The following GLIS1 variants were observed in gnomAD, a reference collection of about 807,000 sequenced individuals.
GLIS1 encodes GLIS family zinc finger 1, also known as zinc finger protein GLIS1.
A neutral mutation model predicts 63.8 loss-of-function variants in GLIS1; 24 were observed. The ratio of observed to expected loss-of-function variants is 0.38; its 90% CI spans 0.27 to 0.53. The LOEUF is 0.53. GLIS1 is among the 20% of genes least tolerant of loss of function. The pLI is 0.85. For synonymous variants in GLIS1, 450 were observed against 482.5 expected, an observed-to-expected ratio of 0.93 and a Z score of 0.88; for missense variants, 1,036 against 1,074.1, an observed-to-expected ratio of 0.96 and a Z score of 0.50.
intron 4 of GLIS1, among the ~76,000 whole-genome samples, chr1:53,545,228 G>A (rs745439247): frequency 2.4e-4 from 36 of 152,242 alleles, no homozygotes; most frequent in South Asian, 4.1e-4. Flanking sequence ...GCATCAACAC[G>A]GCAGTAACAC....
intron 8 of GLIS1, 44 bp downstream of exon 8, chr1:53,514,581 C>G: frequency 6.3e-7 from 1 of 1,591,378 alleles, no homozygotes; most frequent in Non-Finnish European, 8.6e-7. Flanking sequence ...CCCCCGAGAT[C>G]CCCCCTTGTT....
intron 8 of GLIS1, among the ~76,000 whole-genome samples, chr1:53,510,472 G>C (rs914221644): frequency 6.6e-6 from 1 of 152,160 alleles, no homozygotes; most frequent in African/African-American, 2.4e-5. Flanking sequence ...TGGACGAGGA[G>C]CCCTGGAGCA....
chr1:53,705,633 A>T (rs1213644768), intron 2 of GLIS1, among the ~76,000 whole-genome samples: 2 of 152,156 alleles, frequency 1.3e-5, no homozygotes, highest in Non-Finnish European at 2.9e-5. Flanking sequence ...GAAAAGAAAA[A>T]AAAGGTGAGT....
intron 2 of GLIS1, among the ~76,000 whole-genome samples, chr1:53,722,402 T>G (rs894261631): frequency 6.6e-6 from 1 of 152,240 alleles, no homozygotes; most frequent in Non-Finnish European, 1.5e-5. Flanking sequence ...TATACATATT[T>G]GTTTGTATTC....
At chr1:53,593,970 G>C (rs77718260) in intron 4 of GLIS1, 138 bp downstream of exon 4, 1 of 1,035,370 alleles carries the variant, frequency 9.7e-7, no homozygotes, top group African/African-American at 1.6e-5. Context: ...TCCACAGCAT[G>C]GGTCCTTTCC....
chr1:53,637,432 T>G (rs1645738130), intron 2 of GLIS1, among the ~76,000 whole-genome samples: 1 of 152,184 alleles, frequency 6.6e-6, no homozygotes, highest in African/African-American at 2.4e-5. Flanking sequence ...GAGGTCACTC[T>G]TCTATCTGTG....
rs761543395 is a variant in GLIS1 at position 53,547,375 on chromosome 1, A to G, written c.1321-17423T>C. On this transcript the variant is annotated intron_variant, in intron 4 of 10. Transcript: ENST00000628545. ...GCAATAGCCAAGAGCTGCATGCTCA[A>G]TGGGGCTGAAGGTGGCAAGACCAAC... 5.9e-5 allele frequency among the ~76,000 whole-genome samples: 9 copies of G among 152,268 alleles called. No homozygotes were observed. In the South Asian group the frequency reaches 1.2e-3, roughly 21 times the overall value.
At chr1:53,607,851 A>C (rs541855478) in intron 2 of GLIS1, among the ~76,000 whole-genome samples, 6 of 152,272 alleles carry the variant, frequency 3.9e-5, no homozygotes, top group African/African-American at 1.2e-4. Flanking sequence ...GGTTTCTGGT[A>C]AGGGCTCTCT....
At chr1:53,718,249 G>C (rs941112470) in intron 2 of GLIS1, among the ~76,000 whole-genome samples, 5 of 152,134 alleles carry the variant, frequency 3.3e-5, no homozygotes, top group African/African-American at 4.8e-5. Flanking sequence ...CAGAATCCAG[G>C]GGGCACAGGA....
rs1287968572 is a variant in GLIS1, at chr1:53,529,792, G to A, written c.1481C>T (p.Thr494Met). 15 of 1,610,876 alleles carry A rather than the reference G, an allele frequency of 9.3e-6. No homozygotes were observed. The highest frequency in any genetic ancestry group is 3.3e-5 in the South Asian group (3 of 90,970). ...RAKHQRTHLD[T>M]KPYACQIPGC... The stretch of plus-strand genomic sequence containing the variant: ...TGGGCCTCTGCCTGTTGGGCCTACC[G>A]TGTCTAGGTGGGTGCGCTGGTGCTT... The change falls in exon 5 of 11, where the codon ACG becomes ATG. Residue 494 changes from threonine (T) to methionine (M), a missense_variant and splice_region_variant. Physicochemically the swap from Thr to Met is moderately conservative, Grantham distance 81. Coordinates refer to ENST00000628545, the MANE Select transcript of GLIS1 (RefSeq NM_001367484.1).
At chr1:53,687,838 T>A (rs1360164862) in intron 2 of GLIS1, among the ~76,000 whole-genome samples, 1 of 152,140 alleles carries the variant, frequency 6.6e-6, no homozygotes, top group Admixed American at 6.5e-5. Flanking sequence ...TGCTCCCACT[T>A]GTGCAGGCTC....
intron 2 of GLIS1, among the ~76,000 whole-genome samples, chr1:53,679,018 C>G (rs1483254056): frequency 6.6e-6 from 1 of 152,222 alleles, no homozygotes; most frequent in Non-Finnish European, 1.5e-5. Flanking sequence ...GGTCACCCCC[C>G]ACCTCTCATG....
rs1244714728 is a variant in GLIS1, at chr1:53,594,738, G to C, written c.690C>G (p.Thr230=). 6.4e-7 allele frequency: 1 copy of C among 1,573,826 alleles called. No individual in the cohort carries two copies. ...GCTTCAGGCTGCCCTCGGGGAGGTGGGTCTCGGGCTGGAGGCCCAGGCCAG... is the reference window on the plus strand; with the variant it reads ...GCTTCAGGCTGCCCTCGGGGAGGTGCGTCTCGGGCTGGAGGCCCAGGCCAG... ...PSSGLGLQPE[T]HLPEGSLKRC... The change falls in exon 4 of 11, where the codon ACC becomes ACG. Residue 230 remains threonine, a synonymous_variant. Transcript: ENST00000628545.
intron 4 of GLIS1, among the ~76,000 whole-genome samples, chr1:53,534,237 G>A (rs959305105): frequency 2.6e-5 from 4 of 152,026 alleles, no homozygotes; most frequent in Admixed American, 2.0e-4. Context: ...CACGTCCCTG[G>A]CTTCGACCTT....
intron 2 of GLIS1, among the ~76,000 whole-genome samples, chr1:53,674,513 G>A (rs2100407053): frequency 6.6e-6 from 1 of 152,308 alleles, no homozygotes; most frequent in Middle Eastern, 3.4e-3. Flanking sequence ...ATGGGGACGG[G>A]AATACATGTA....
In GLIS1 at chr1:53,594,880, A is replaced by C; in HGVS notation, c.548T>G (p.Leu183Arg). 1 of 1,565,024 alleles carries C rather than the reference A, an allele frequency of 6.4e-7. No homozygotes were observed. ...YQAMAEARTS[L>R]SAHCRGPLAT... ...CAGCGGGCCCCGACAGTGGGCAGAC[A>C]GGGATGTGCGGGCCTCTGCCATGGC... The change falls in exon 4 of 11, where the codon CTG becomes CGG. Residue 183 changes from leucine (L) to arginine (R), a missense_variant. Leu to Arg is a moderately radical substitution (Grantham distance 102, BLOSUM62 -2). This residue lies in a region of GLIS1 where 592 missense variants were observed against 593.9 expected (regional missense o/e 1.00). Transcript: ENST00000628545.
rs138389545 is a variant in GLIS1, at chr1:53,558,567, G to A, written c.1321-28615C>T. ...CCCCTAACGATCTCACTCTCTCAGGGCCAGCTCATGTGTCCACTGCCCTTC... is the reference window on the plus strand; with the variant it reads ...CCCCTAACGATCTCACTCTCTCAGGACCAGCTCATGTGTCCACTGCCCTTC... On this transcript the variant is annotated intron_variant, in intron 4 of 10. Transcript: ENST00000628545. Among the ~76,000 whole-genome samples, 354 of 152,238 alleles carry A rather than the reference G, an allele frequency of 2.3e-3. 1 individual carries two copies. Among genetic ancestry groups the A allele is most frequent in the African/African-American group, 8.2e-3 (340 of 41,544 alleles).
chr1:53,620,166 T>C (rs1035750015), intron 2 of GLIS1, among the ~76,000 whole-genome samples: 4 of 152,240 alleles, frequency 2.6e-5, no homozygotes, highest in Non-Finnish European at 4.4e-5. Flanking sequence ...GATGCAGAGT[T>C]GTCTGGGGCA....
In GLIS1 at chr1:53,594,599, T is replaced by G; in HGVS notation, c.829A>C (p.Asn277His). 6.3e-7 allele frequency: 1 copy of G among 1,586,192 alleles called. No individual in the cohort carries two copies. Among genetic ancestry groups the G allele is most frequent in the Non-Finnish European group, 8.6e-7 (1 of 1,162,798 alleles). Residue 277 changes from asparagine to histidine, a missense_variant, in exon 4 of 11, where the codon AAT becomes CAT. Physicochemically the swap from Asn to His is moderately conservative, Grantham distance 68. This residue lies in a region of GLIS1 where 592 missense variants were observed against 593.9 expected (regional missense o/e 1.00). Coordinates refer to ENST00000628545, the MANE Select transcript of GLIS1 (RefSeq NM_001367484.1). ...SSQTSLVTCV[N>H]GLRSPPLTGD... ...GTCAGAGGGGGGCTCCGGAGTCCAT[T>G]TACACAGGTGACCAGAGACGTCTGG...
Sources: gnomAD v4.1 joint callset for allele counts (sites outside exome capture counted in the v4.1 genomes callset) on GRCh38, gnomAD v4.1.1 for gene constraint, gnomAD v4.1.1 regional missense constraint, MANE v1.5 for transcripts, NCBI Gene and HGNC (gene_info 2026-07-23, HGNC 2026-07-21) for gene names.